ITIH4: variants seen among roughly 807,000 people sequenced by gnomAD.
ITIH4 encodes inter-alpha-trypsin inhibitor heavy chain H4.
A neutral mutation model predicts 111.8 loss-of-function variants in ITIH4; 79 were observed. The ratio of observed to expected loss-of-function variants is 0.71; its 90% CI spans 0.59 to 0.85. ITIH4 has a LOEUF of 0.85. ITIH4 is among the 40% of genes least tolerant of loss of function. The pLI, the probability that ITIH4 is intolerant of heterozygous loss-of-function variation, is 0.00. For missense variants in ITIH4, 1,065 were observed against 1,195.8 expected, an observed-to-expected ratio of 0.89 and a Z score of 1.61; for synonymous variants, 472 against 468.3, an observed-to-expected ratio of 1.01 and a Z score of -0.10.
chr3:52,817,313 T>C (rs933110611), intron 20 of ITIH4, among the ~76,000 whole-genome samples: 2 of 152,202 alleles, frequency 1.3e-5, no homozygotes, highest in East Asian at 1.9e-4. Context: ...TTGAGGCCTT[T>C]GAGAATTAAC....
rs1201478024 is a variant in ITIH4, at chr3:52,821,143, G to A, written c.1540-13C>T. 6.2e-7 allele frequency: 1 copy of A among 1,611,236 alleles called. No individual in the cohort carries two copies. The highest frequency in any genetic ancestry group is 1.3e-5 in the African/African-American group (1 of 74,846). On this transcript the variant is annotated splice_polypyrimidine_tract_variant and intron_variant, in intron 11 of 23. Transcript: ENST00000266041. The stretch of plus-strand genomic sequence containing the variant: ...TGTTCTGTGTAGGCTGGAAAGAGGG[G>A]CCCAGCCAGGGCAGGAGCAGTGAGG...
intron 17 of ITIH4, 78 bp downstream of exon 17, chr3:52,819,315 C>A: frequency 6.4e-7 from 1 of 1,566,782 alleles, no homozygotes; most frequent in Non-Finnish European, 8.7e-7. Context: ...GCGTGCTTTA[C>A]CCCACCCCCC....
chr3:52,813,593 C>G, intron 23 of ITIH4, 103 bp from the exon 24 acceptor site: 1 of 985,150 alleles, frequency 1.0e-6, no homozygotes, highest in Non-Finnish European at 1.6e-6. Context: ...GGCAGGGAGT[C>G]CTGGCGTCCC....
At chr3:52,827,252 C>A in intron 2 of ITIH4, 55 bp from the exon 3 acceptor site, 1 of 1,360,826 alleles carries the variant, frequency 7.3e-7, no homozygotes, top group Non-Finnish European at 1.1e-6. Flanking sequence ...GCCCATTCCA[C>A]TCCTGCCTCC....
chr3:52,830,056 C>T (rs897463532), intron 1 of ITIH4: 61 of 301,022 alleles, frequency 2.0e-4, no homozygotes, highest in Non-Finnish European at 5.1e-5. Flanking sequence ...CACAGAGGTG[C>T]CAAGTGGCTT....
At position 52,820,323 on chromosome 3, in the gene ITIH4, TA is replaced by T; in HGVS notation, c.1835-7del. On this transcript the variant is annotated splice_polypyrimidine_tract_variant and splice_region_variant and intron_variant, in intron 13 of 23. Coordinates refer to ENST00000266041, the MANE Select transcript of ITIH4 (RefSeq NM_002218.5). ...GACATTCCTGTTTCTACTTTCTGGA[TA>T]AAACAAAGAGAGAGAGAGAGACAGA... 1.2e-6 allele frequency: 2 copies of T among 1,613,672 alleles called. No individual in the cohort carries two copies. The highest frequency in any genetic ancestry group is 1.7e-6 in the Non-Finnish European group (2 of 1,179,800).
At position 52,824,338 on chromosome 3, in the gene ITIH4, G is replaced by T. The variant is rs930240892; in HGVS notation, c.1046-23C>A. On this transcript the variant is annotated intron_variant, in intron 8 of 23. Transcript: ENST00000266041. The surrounding 1 kb of genome is among the most constrained non-coding windows in gnomAD (Gnocchi z 4.3). ...TCCCTGAGGAACACGCACTCTCAAG[G>T]TGGTCCCCAGCCAGGAGCCCTGGAA... 1.1e-5 allele frequency: 17 copies of T among 1,612,034 alleles called. No individual in the cohort carries two copies. Among genetic ancestry groups the T allele is most frequent in the African/African-American group, 1.3e-5 (1 of 74,896 alleles).
Position 52,824,128 on chromosome 3 carries a change from A to C in ITIH4, c.1171+62T>G. 1 of 1,593,844 alleles carries C rather than the reference A, an allele frequency of 6.3e-7. No homozygotes were observed. Among genetic ancestry groups the C allele is most frequent in the Non-Finnish European group, 8.6e-7 (1 of 1,166,066 alleles). On this transcript the variant is annotated intron_variant, in intron 9 of 23. Coordinates refer to ENST00000266041, the MANE Select transcript of ITIH4 (RefSeq NM_002218.5). The surrounding 1 kb of genome is among the most constrained non-coding windows in gnomAD (Gnocchi z 4.3). ...CCTGCCCAGATCCCACAGCAAGCCC[A>C]GGTGCAGCCCCAGCCGCCTCCCCTG...
At chr3:52,828,530 C>T (rs77304663) in intron 2 of ITIH4, among the ~76,000 whole-genome samples, 2,388 of 152,278 alleles carry the variant, frequency 0.016, 71 homozygotes, top group African/African-American at 0.054. Context: ...AAGGGACAGG[C>T]GGCATCCTGG....
At chr3:52,823,375 A>G in intron 11 of ITIH4, 181 bp downstream of exon 11, 1 of 602,106 alleles carries the variant, frequency 1.7e-6, no homozygotes. Flanking sequence ...GAGAGCCTGT[A>G]TGTGCTGGTC....
At position 52,825,431 on chromosome 3, in the gene ITIH4, GA is replaced by G. The variant is rs57121229; in HGVS notation, c.759+454del. 5.2e-3 allele frequency: 721 copies of G among 138,198 alleles called. 4 individuals are homozygous for G. The highest frequency in any genetic ancestry group is 0.032 in the South Asian group (137 of 4,222). The allele number at this position is 138,198 out of a possible 1,614,324, so 8.6% of individuals were successfully genotyped here. A position where few individuals can be genotyped will look rare whatever the true frequency, so the allele number is the denominator to read the frequency against. On this transcript the variant is annotated intron_variant, in intron 6 of 23. Coordinates refer to ENST00000266041, the MANE Select transcript of ITIH4 (RefSeq NM_002218.5). Reference sequence around the variant, plus strand: ...AGCCTGGGCAACCTTGTCTCTACTGGAAAAAAAAAAAAAAAAATTAGCCAGG... The same window carrying G: ...AGCCTGGGCAACCTTGTCTCTACTGGAAAAAAAAAAAAAAAATTAGCCAGG...
chr3:52,829,252 C>T lies in ITIH4; in HGVS notation c.118G>A (p.Val40Met), dbSNP rs539866302. ...AATCGGGATGAGACCCTGGAGTCCA[C>T]GGTGAGGCTGTAGATGTCGATGCCA... ...KNGIDIYSLT[V>M]DSRVSSRFAH... The change falls in exon 2 of 24, where the codon GTG becomes ATG. Residue 40 changes from valine to methionine, a missense_variant. Transcript: ENST00000266041. 1.8e-5 allele frequency: 29 copies of T among 1,611,916 alleles called. No individual in the cohort carries two copies. Among genetic ancestry groups the T allele is most frequent in the South Asian group, 6.6e-5 (6 of 90,948 alleles).
chr3:52,824,212 G>A lies in ITIH4; in HGVS notation c.1149C>T (p.Leu383=). 1 of 1,613,392 alleles carries A rather than the reference G, an allele frequency of 6.2e-7. No individual in the cohort carries two copies. The highest frequency in any genetic ancestry group is 8.5e-7 in the Non-Finnish European group (1 of 1,180,024). Residue 383 remains leucine, a synonymous_variant, in exon 9 of 24, where the codon CTC becomes CTT. Coordinates refer to ENST00000266041, the MANE Select transcript of ITIH4 (RefSeq NM_002218.5). The surrounding 1 kb of genome is among the most constrained non-coding windows in gnomAD (Gnocchi z 4.3). The stretch of plus-strand genomic sequence containing the variant: ...CACCCACAGTGGGGTCGCCATCGGT[G>A]AGCAGGATGATGAGTGAGACACTCC... ...PEGSVSLIIL[L]TDGDPTVGET...
At chr3:52,820,248 A>C in intron 14 of ITIH4, 43 bp downstream of exon 14, 1 of 1,613,656 alleles carries the variant, frequency 6.2e-7, no homozygotes, top group Non-Finnish European at 8.5e-7. Context: ...CTGTGTTAGC[A>C]GACCACCACC....
rs141191778 is a variant in ITIH4 at position 52,823,594 on chromosome 3, C to A, written c.1501G>T (p.Gly501Trp). 3.5e-5 allele frequency: 57 copies of A among 1,613,346 alleles called. No homozygotes were observed. In the South Asian group the frequency reaches 5.7e-4, roughly 16 times the overall value. ...ACTGTGGCTGTGAGCACATCAGGCC[C>A]CCGGTCCTGGAGCTTCCCAGCCACC... ...MVVAGKLQDR[G>W]PDVLTATVSG... The change falls in exon 11 of 24, where the codon GGG becomes TGG. Residue 501 changes from glycine (G) to tryptophan (W), a missense_variant. Physicochemically the swap from Gly to Trp is radical, Grantham distance 184. Coordinates refer to ENST00000266041, the MANE Select transcript of ITIH4 (RefSeq NM_002218.5).
rs1214813728 is a variant in ITIH4, at chr3:52,817,037, T to C, written c.2318A>G (p.Tyr773Cys). 2 of 1,613,790 alleles carry C rather than the reference T, an allele frequency of 1.2e-6. No homozygotes were observed. Among genetic ancestry groups the C allele is most frequent in the East Asian group, 4.5e-5 (2 of 44,886 alleles). Residue 773 changes from tyrosine to cysteine, a missense_variant, in exon 21 of 24, where the codon TAT becomes TGT. Transcript: ENST00000266041. ...TGAGAACCCAGCCTTCTCCCTCTCA[T>C]ACTGGCCAGTCACCTCAACCCCTGG... The part of the protein sequence containing the change: ...PEQGVEVTGQ[Y>C]EREKAGFSWI...
At position 52,823,843 on chromosome 3, in the gene ITIH4, C is replaced by T; in HGVS notation, c.1333G>A (p.Asp445Asn). 1 of 1,613,968 alleles carries T rather than the reference C, an allele frequency of 6.2e-7. No homozygotes were observed. Reference sequence around the variant, plus strand: ...GGCACCTGGAGCTGCAGGGCAGAGTCTGAGTCCTCATGGATGCGCCGGGCC... The same window carrying T: ...GGCACCTGGAGCTGCAGGGCAGAGTTTGAGTCCTCATGGATGCGCCGGGCC... Reference protein sequence around the residue: ...GLARRIHEDSDSALQLQDFYQ... With the variant: ...GLARRIHEDSNSALQLQDFYQ... The change falls in exon 10 of 24, where the codon GAC (aspartate) becomes AAC (asparagine). Residue 445 changes from aspartate to asparagine, a missense_variant. Coordinates refer to ENST00000266041, the MANE Select transcript of ITIH4 (RefSeq NM_002218.5).
chr3:52,813,544 T>C, intron 23 of ITIH4, 54 bp from the exon 24 acceptor site: 2 of 1,513,922 alleles, frequency 1.3e-6, no homozygotes, highest in Non-Finnish European at 1.8e-6. Flanking sequence ...TCAGGTGTGG[T>C]GCGAAAAGAG....
chr3:52,820,638 C>A lies in ITIH4; in HGVS notation c.1827G>T (p.Met609Ile), dbSNP rs758070712. ...TCTCAACCCCACACCCACCGCCTTC[C>A]ATGGGCTTCTCAGCAACTTGAGACT... ...QEQSQVAEKP[M>I]EGESRNRNVH... Residue 609 changes from methionine (M) to isoleucine (I), a missense_variant, in exon 13 of 24, where the codon ATG (methionine) becomes ATT (isoleucine). Physicochemically the swap from Met to Ile is conservative, Grantham distance 10. Transcript: ENST00000266041. The A allele has an allele frequency of 6.2e-7, 1 of 1,609,680 alleles. No individual in the cohort carries two copies. Among genetic ancestry groups the A allele is most frequent in the East Asian group, 2.2e-5 (1 of 44,822 alleles).
Sources: allele counts gnomAD v4.1 joint callset (sites outside exome capture counted in the v4.1 genomes callset), GRCh38; gene constraint gnomAD v4.1.1; non-coding constraint Gnocchi (gnomAD v3.1); transcripts MANE v1.5; gene names NCBI Gene and HGNC (gene_info 2026-07-23, HGNC 2026-07-21).